The following RYR1 variants were observed in gnomAD, a reference collection of about 807,000 sequenced individuals.
The protein encoded by RYR1 is central core disease of muscle.
In RYR1, 342 loss-of-function variants were observed where a neutral mutation model predicts 583.5. That is an observed-to-expected ratio of 0.59 (90% CI 0.54 to 0.64). RYR1 has a LOEUF of 0.64. Among genes scored for constraint, RYR1 ranks in the 30% least tolerant of loss-of-function variants. The pLI, the probability that RYR1 is intolerant of heterozygous loss-of-function variation, is 0.00. For synonymous variants in RYR1, 2,791 were observed against 2,822.5 expected (o/e 0.99, Z 0.35); for missense variants, 6,032 against 6,917.2 (o/e 0.87, Z 4.54).
chr19:38,452,029 C>A, intron 12 of RYR1, 144 bp downstream of exon 12: 1 of 1,176,888 alleles, frequency 8.5e-7, no homozygotes, highest in Non-Finnish European at 1.2e-6. Flanking sequence ...TGGCTCACAC[C>A]TGTAATCCCA....
chr19:38,486,719 C>T (rs1243193620), intron 34 of RYR1, among the ~76,000 whole-genome samples: 4 of 152,194 alleles, frequency 2.6e-5, no homozygotes, highest in Admixed American at 1.3e-4. Flanking sequence ...CACCTGTCAT[C>T]TCTTTATGTT....
intron 11 of RYR1, among the ~76,000 whole-genome samples, chr19:38,451,031 G>C (rs949844848): frequency 2.0e-5 from 3 of 152,202 alleles, no homozygotes; most frequent in African/African-American, 7.2e-5. Context: ...CATCAACCAA[G>C]TTAGGGGACA....
chr19:38,540,115 G>A (rs529954679), intron 84 of RYR1, among the ~76,000 whole-genome samples: 17 of 152,048 alleles, frequency 1.1e-4, no homozygotes, highest in East Asian at 7.7e-4. Context: ...AAAGAAAAAC[G>A]GGGGGCAAAA....
intron 63 of RYR1, among the ~76,000 whole-genome samples, chr19:38,513,365 G>T (rs1355686691): frequency 6.6e-6 from 1 of 151,708 alleles, no homozygotes; most frequent in African/African-American, 2.4e-5. Context: ...GCAGTTGGTG[G>T]CCAGCCACAG....
At chr19:38,572,488 A>G (rs541314876) in intron 95 of RYR1, among the ~76,000 whole-genome samples, 1 of 152,202 alleles carries the variant, frequency 6.6e-6, no homozygotes, top group East Asian at 1.9e-4. Context: ...GGGAACGGAC[A>G]CGGCTTATAG....
chr19:38,557,379 T>C (rs1317971857), intron 89 of RYR1, among the ~76,000 whole-genome samples: 1 of 152,168 alleles, frequency 6.6e-6, no homozygotes, highest in Non-Finnish European at 1.5e-5. Flanking sequence ...AATAACGAAA[T>C]ACACGAAGTA....
intron 91 of RYR1, among the ~76,000 whole-genome samples, chr19:38,566,448 CAAAAAAAAAAA>C (rs71165563): frequency 6.5e-4 from 33 of 51,064 alleles, no homozygotes; most frequent in South Asian, 2.8e-3. Flanking sequence ...GACTCTGTCT[CAAAAAAAAAAA>C]AAAAAAAAAA....
At position 38,499,848 on chromosome 19, in the gene RYR1, A is replaced by G. The variant is rs1450284002; in HGVS notation, c.7214+27A>G. 26 of 1,611,170 alleles carry G rather than the reference A, an allele frequency of 1.6e-5. No homozygotes were observed. The highest frequency in any genetic ancestry group is 1.7e-4 in the Middle Eastern group (1 of 5,754). ...TGAGTCTCCCGGCCCCCTCCTCAAT[A>G]GGGCAACCCGCCCTCCCTGGCCCCT... is the stretch of plus-strand genomic sequence containing the variant. On this transcript the variant is annotated intron_variant, in intron 44 of 105. Coordinates refer to ENST00000359596, the MANE Select transcript of RYR1 (RefSeq NM_000540.3). This position sits in a 1 kb window ranked among gnomAD's most constrained non-coding sequence, Gnocchi z 7.3.
At position 38,525,395 on chromosome 19, in the gene RYR1, A is replaced by T; in HGVS notation, c.10519A>T (p.Thr3507Ser). The T allele has an allele frequency of 6.2e-7, 1 of 1,613,978 alleles. No homozygotes were observed. The highest frequency in any genetic ancestry group is 2.2e-5 in the East Asian group (1 of 44,864). Reference protein sequence around the residue: ...KRRGDRYSVQTSLIVATLKKM... With the variant: ...KRRGDRYSVQSSLIVATLKKM... ...CCGGGGGGACCGGTACTCTGTGCAG[A>T]CGTCACTGATCGTGGCCACACTGAA... is the stretch of plus-strand genomic sequence containing the variant. Residue 3507 changes from threonine to serine, a missense_variant, in exon 71 of 106, where the codon ACG (threonine) becomes TCG (serine). Transcript: ENST00000359596.
At chr19:38,532,105 A>G (rs1183014607) in intron 76 of RYR1, among the ~76,000 whole-genome samples, 1 of 151,292 alleles carries the variant, frequency 6.6e-6, no homozygotes, top group Non-Finnish European at 1.5e-5. Flanking sequence ...TTGGCCCTCC[A>G]AAGAAAACCA....
chr19:38,559,537 G>A (rs1266645802), intron 89 of RYR1, among the ~76,000 whole-genome samples: 1 of 151,932 alleles, frequency 6.6e-6, no homozygotes, highest in Non-Finnish European at 1.5e-5. Flanking sequence ...CCTGGCCAGA[G>A]GTGGATTTTT....
At position 38,510,924 on chromosome 19, in the gene RYR1, G is replaced by C. The variant is rs1027530128; in HGVS notation, c.9122+143G>C. ...GATTGAAGGGTGACCAGCCATCCTA[G>C]TGTACCCGGGACTGAAGGGTTTCCC... On this transcript the variant is annotated intron_variant, in intron 60 of 105. Coordinates refer to ENST00000359596, the MANE Select transcript of RYR1 (RefSeq NM_000540.3). 4.8e-6 allele frequency: 6 copies of C among 1,258,668 alleles called. 1 individual carries two copies. The highest frequency in any genetic ancestry group is 6.7e-6 in the Non-Finnish European group (6 of 897,236). The allele number at this position is 1,258,668 out of a possible 1,614,324, so 78.0% of individuals were successfully genotyped here.
chr19:38,460,669 C>G, intron 20 of RYR1, 78 bp downstream of exon 20: 1 of 1,350,318 alleles, frequency 7.4e-7, no homozygotes, highest in East Asian at 2.3e-5. Context: ...TGCCATCGTT[C>G]ATGCCTGTAA....
chr19:38,496,203 G>C lies in RYR1; in HGVS notation c.6549-12G>C, dbSNP rs1969814472. 2 of 1,611,338 alleles carry C rather than the reference G, an allele frequency of 1.2e-6. No homozygotes were observed. Among genetic ancestry groups the C allele is most frequent in the Middle Eastern group, 1.7e-4 (1 of 6,056 alleles). On this transcript the variant is annotated splice_polypyrimidine_tract_variant and intron_variant, in intron 39 of 105. Coordinates refer to ENST00000359596, the MANE Select transcript of RYR1 (RefSeq NM_000540.3). The surrounding 1 kb of genome is among the most constrained non-coding windows in gnomAD (Gnocchi z 4.8). ...GGCCCCTGGTGACCCCGCACACTCT[G>C]CCCGTGCACAGGAACATCATGAACA...
intron 75 of RYR1, 82 bp downstream of exon 75, chr19:38,528,777 G>A (rs887239900): frequency 2.0e-6 from 3 of 1,495,924 alleles, no homozygotes; most frequent in Non-Finnish European, 2.8e-6. Context: ...ACCTCCAGGG[G>A]TCGGCCCTCC....
Position 38,517,376 on chromosome 19 carries a change from A to G in RYR1, c.9703A>G (p.Ser3235Gly), listed in dbSNP as rs747488155. ...TACCCCAGTCCTGGGGCTCCCCAAC[A>G]GTGTGGAGGAGATGTGTCCCGACAT... ...RERAILGLPNSVEEMCPDIPV... is the reference protein window; with the variant it reads ...RERAILGLPNGVEEMCPDIPV... The change falls in exon 66 of 106, where the codon AGT (serine) becomes GGT (glycine). Residue 3235 changes from serine to glycine, a missense_variant. By Grantham distance (56) the Ser-to-Gly change is moderately conservative. This residue lies in a region of RYR1 where 1,493 missense variants were observed against 1,715.5 expected (regional missense o/e 0.87). Transcript: ENST00000359596. 2 of 1,613,710 alleles carry G rather than the reference A, an allele frequency of 1.2e-6. No homozygotes were observed. Among genetic ancestry groups the G allele is most frequent in the South Asian group, 2.2e-5 (2 of 91,060 alleles).
chr19:38,517,567 C>T lies in RYR1; in HGVS notation c.9894C>T (p.Ala3298=), dbSNP rs763672253. Residue 3298 remains alanine, a synonymous_variant, in exon 66 of 106, where the codon GCC becomes GCT. Transcript: ENST00000359596. ...GPEAPPSALP[A]GAPPPCTAVT... is the part of the protein sequence containing the mutation. ...AGGCACCCCCTTCCGCCCTGCCCGCCGGCGCCCCCCCACCCTGCACAGCTG... is the reference window on the plus strand; with the variant it reads ...AGGCACCCCCTTCCGCCCTGCCCGCTGGCGCCCCCCCACCCTGCACAGCTG... 2.1e-5 allele frequency: 34 copies of T among 1,613,832 alleles called. No homozygotes were observed. Among genetic ancestry groups the T allele is most frequent in the South Asian group, 3.3e-5 (3 of 91,084 alleles).
At chr19:38,484,083 T>C (rs1343027608) in intron 33 of RYR1, among the ~76,000 whole-genome samples, 2 of 152,018 alleles carry the variant, frequency 1.3e-5, no homozygotes, top group African/African-American at 2.4e-5. Flanking sequence ...TCCCAGCACG[T>C]TGGGAGGCTG....
intron 1 of RYR1, among the ~76,000 whole-genome samples, chr19:38,435,230 G>A (rs1210903521): frequency 1.3e-5 from 2 of 152,172 alleles, no homozygotes; most frequent in African/African-American, 2.4e-5. Flanking sequence ...GGCCCGAATG[G>A]TAGAATCACT....
Sources: allele counts gnomAD v4.1 joint callset (sites outside exome capture counted in the v4.1 genomes callset), GRCh38; gene constraint gnomAD v4.1.1; regional missense constraint gnomAD v4.1.1; non-coding constraint Gnocchi (gnomAD v3.1); transcripts MANE v1.5; gene names NCBI Gene and HGNC (gene_info 2026-07-23, HGNC 2026-07-21).